PTPRG: variants seen among roughly 807,000 people sequenced by gnomAD.
PTPRG encodes protein tyrosine phosphatase receptor type G.
PTPRG carries 102 observed loss-of-function variants against 165.3 expected under a neutral mutation model. The observed-to-expected ratio is 0.62, with a 90% CI of 0.53 to 0.73. The LOEUF is 0.73. Ranked by LOEUF, PTPRG falls within the 30% of genes least tolerant of loss-of-function variation. PTPRG has a pLI of 0.00. For synonymous variants in PTPRG, 675 were observed against 669.5 expected, an observed-to-expected ratio of 1.01 and a Z score of -0.13; for missense variants, 1,866 against 1,861.4, an observed-to-expected ratio of 1.00 and a Z score of -0.05.
intron 1 of PTPRG, among the ~76,000 whole-genome samples, chr3:61,565,544 A>G (rs570558304): frequency 1.6e-3 from 250 of 152,152 alleles, no homozygotes; most frequent in Non-Finnish European, 2.2e-3. Flanking sequence ...TGCCTCTGAC[A>G]CAGTATAAAA....
intron 1 of PTPRG, among the ~76,000 whole-genome samples, chr3:61,634,129 T>A (rs759307489): frequency 2.0e-5 from 3 of 152,076 alleles, no homozygotes; most frequent in Non-Finnish European, 2.9e-5. Context: ...TTGGCCAGGC[T>A]GTTCTTGAAC....
intron 4 of PTPRG, among the ~76,000 whole-genome samples, chr3:62,004,049 G>C (rs1387436617): frequency 6.6e-6 from 1 of 152,150 alleles, no homozygotes; most frequent in African/African-American, 2.4e-5. Flanking sequence ...CTGCTGGACA[G>C]AAGAAGGGTG....
At chr3:61,613,635 A>G (rs11926710) in intron 1 of PTPRG, among the ~76,000 whole-genome samples, 4,327 of 152,336 alleles carry the variant, frequency 0.028, 101 homozygotes, top group East Asian at 0.087. Context: ...AAGGCAAGCT[A>G]TGAAATCAGA....
chr3:61,681,054 T>TAAAAAAAAAAAAA (rs61198100), intron 1 of PTPRG, among the ~76,000 whole-genome samples: 19 of 66,076 alleles, frequency 2.9e-4, no homozygotes, highest in Admixed American at 3.9e-4. Context: ...CTTTATGTTC[T>TAAAAAAAAAAAAA]AAAAAAAAAA....
intron 2 of PTPRG, among the ~76,000 whole-genome samples, chr3:61,884,003 A>G (rs966655470): frequency 6.6e-6 from 1 of 152,162 alleles, no homozygotes; most frequent in African/African-American, 2.4e-5. Flanking sequence ...GGTGTACAAC[A>G]TTCTTAGTTG....
intron 2 of PTPRG, among the ~76,000 whole-genome samples, chr3:61,897,932 T>C (rs1019696982): frequency 6.6e-6 from 1 of 152,208 alleles, no homozygotes; most frequent in Non-Finnish European, 1.5e-5. Flanking sequence ...TCACTAGTTT[T>C]AGGAGGTTTT....
At position 62,057,668 on chromosome 3, in the gene PTPRG, T is replaced by G. The variant is rs556689168; in HGVS notation, c.520-20495T>G. 2.6e-5 allele frequency among the ~76,000 whole-genome samples: 4 copies of G among 152,322 alleles called. No homozygotes were observed. The South Asian group carries it at 8.3e-4, about 32-fold the overall frequency. On this transcript the variant is annotated intron_variant, in intron 4 of 29. Coordinates refer to ENST00000474889, the MANE Select transcript of PTPRG (RefSeq NM_002841.4). The stretch of plus-strand genomic sequence containing the variant: ...TGGACAGGTTTGCAGCTCTGAGATC[T>G]AACAGTGCTGATGTATGGGAGTCCA...
chr3:61,825,101 G>A (rs1037011001), intron 2 of PTPRG, among the ~76,000 whole-genome samples: 1 of 152,150 alleles, frequency 6.6e-6, no homozygotes, highest in Admixed American at 6.5e-5. Flanking sequence ...GGGGTGATTT[G>A]TGAAAAGGGT....
At position 61,989,714 on chromosome 3, in the gene PTPRG, CGT is replaced by C; in HGVS notation, c.283_284del (p.Val95TrpfsTer15). 1 of 1,614,086 alleles carries C rather than the reference CGT, an allele frequency of 6.2e-7. No homozygotes were observed. Among genetic ancestry groups the C allele is most frequent in the Non-Finnish European group, 8.5e-7 (1 of 1,180,002 alleles). On this transcript the variant is annotated frameshift_variant, in exon 3 of 30. Coordinates refer to ENST00000474889, the MANE Select transcript of PTPRG (RefSeq NM_002841.4). LOFTEE classifies it high-confidence loss of function. ...TATTGACATTTTAGACCAGTATGCGCGTGTTGGGGAAGAATACCAGGAACTGC... is the reference window on the plus strand; with the variant it reads ...TATTGACATTTTAGACCAGTATGCGCGTTGGGGAAGAATACCAGGAACTGC... ...SPIDILDQYARVGEEYQELQL... is the reference protein window; with the variant it reads ...SPIDILDQYAXVGEEYQELQL...
intron 8 of PTPRG, among the ~76,000 whole-genome samples, chr3:62,187,854 T>A (rs2106794896): frequency 6.6e-6 from 1 of 152,276 alleles, no homozygotes; most frequent in Admixed American, 6.5e-5. Flanking sequence ...TCTCGTGTAA[T>A]CAGGGACAAG....
At chr3:62,096,483 T>C (rs1702111294) in intron 5 of PTPRG, among the ~76,000 whole-genome samples, 1 of 152,212 alleles carries the variant, frequency 6.6e-6, no homozygotes, top group Admixed American at 6.5e-5. Context: ...GCTTTCTGCT[T>C]TCTTCTGGTT....
At chr3:62,267,365 T>C in intron 17 of PTPRG, 45 bp from the exon 18 acceptor site, 2 of 1,394,158 alleles carry the variant, frequency 1.4e-6, no homozygotes, top group Non-Finnish European at 2.0e-6. Flanking sequence ...TGCTAGTTTC[T>C]GAATTATCCA....
chr3:61,925,675 G>A (rs1216982432), intron 2 of PTPRG, among the ~76,000 whole-genome samples: 1 of 152,170 alleles, frequency 6.6e-6, no homozygotes, highest in East Asian at 1.9e-4. Context: ...CCTGGGAGGC[G>A]GAGGTTGCAG....
intron 1 of PTPRG, among the ~76,000 whole-genome samples, chr3:61,727,508 C>T (rs966362059): frequency 1.3e-5 from 2 of 152,090 alleles, no homozygotes; most frequent in Non-Finnish European, 2.9e-5. Flanking sequence ...ACATGTCAAA[C>T]GCAAATCATT....
At chr3:61,818,248 C>G (rs1402551913) in intron 2 of PTPRG, among the ~76,000 whole-genome samples, 1 of 151,866 alleles carries the variant, frequency 6.6e-6, no homozygotes, top group Admixed American at 6.6e-5. Context: ...CACTATATAC[C>G]TGATATTTTA....
chr3:62,026,291 G>A (rs1441710557), intron 4 of PTPRG, among the ~76,000 whole-genome samples: 4 of 152,186 alleles, frequency 2.6e-5, no homozygotes. Context: ...GATTGAAAAT[G>A]CAATGTTCTT....
At chr3:61,862,940 A>T (rs2037312188) in intron 2 of PTPRG, among the ~76,000 whole-genome samples, 1 of 149,956 alleles carries the variant, frequency 6.7e-6, no homozygotes, top group South Asian at 2.1e-4. Context: ...TAATTGCCTC[A>T]AGTATAAAAG....
intron 2 of PTPRG, among the ~76,000 whole-genome samples, chr3:61,923,512 T>G (rs934353888): frequency 1.3e-5 from 2 of 151,622 alleles, no homozygotes; most frequent in Non-Finnish European, 2.9e-5. Context: ...ACCCATTAAC[T>G]CGTCATTTAG....
chr3:62,133,850 A>C (rs149620766), intron 6 of PTPRG, among the ~76,000 whole-genome samples: 14 of 152,140 alleles, frequency 9.2e-5, no homozygotes, highest in African/African-American at 3.1e-4. Flanking sequence ...GAGCATAGTG[A>C]TAGGCGCCTA....
Sources: gnomAD v4.1 joint callset for allele counts (sites outside exome capture counted in the v4.1 genomes callset) on GRCh38, gnomAD v4.1.1 for gene constraint, MANE v1.5 for transcripts, NCBI Gene and HGNC (gene_info 2026-07-23, HGNC 2026-07-21) for gene names.